SMAGP: variants seen among roughly 807,000 people sequenced by gnomAD.
The protein encoded by SMAGP is small cell transmembrane and glycosylated protein.
A neutral mutation model predicts 10.1 loss-of-function variants in SMAGP; 7 were observed. That is an observed-to-expected ratio of 0.70 (90% confidence interval 0.40 to 1.31). The LOEUF is 1.31. Among genes scored for constraint, SMAGP ranks in the 50% most tolerant of loss-of-function variants. SMAGP has a pLI of 0.01. For missense variants in SMAGP, 113 were observed against 116.5 expected (o/e 0.97, Z 0.14); for synonymous variants, 49 against 47.2 (o/e 1.04, Z -0.16).
rs5798164 is a variant in SMAGP at position 51,244,820 on chromosome 12, CTTT to C, written c.*1118_*1120del. 8.7e-5 allele frequency: 8 copies of C among 92,074 alleles called. No individual in the cohort carries two copies. The highest frequency in any genetic ancestry group is 4.5e-4 in the Admixed American group (3 of 6,662). 5.7% of individuals were successfully genotyped at this position (92,074 alleles called of 1,614,324 possible). On this transcript the variant is annotated 3_prime_UTR_variant, in exon 4 of 4. Transcript: ENST00000603798. The stretch of plus-strand genomic sequence containing the variant: ...TTGAACCAACTCATCTCCCAGGGTA[CTTT>C]TTTTTTTTTTTTTTTTTTTGAGACG...
At chr12:51,264,929 C>T (rs1944961674) in intron 2 of SMAGP, among the ~76,000 whole-genome samples, 1 of 134,788 alleles carries the variant, frequency 7.4e-6, no homozygotes, top group Non-Finnish European at 1.5e-5. Context: ...AAGACTCCAT[C>T]GCCAGAAAAA....
At chr12:51,263,318 G>C (rs1053917291) in intron 2 of SMAGP, among the ~76,000 whole-genome samples, 11 of 151,892 alleles carry the variant, frequency 7.2e-5, no homozygotes, top group Non-Finnish European at 1.5e-4. Flanking sequence ...GGGAGGCAGA[G>C]GTTGCAGTTA....
At chr12:51,268,726 G>A (rs952350631) in intron 2 of SMAGP, among the ~76,000 whole-genome samples, 9 of 152,182 alleles carry the variant, frequency 5.9e-5, no homozygotes, top group African/African-American at 2.2e-4. Context: ...TGGGATTACA[G>A]GCGTGCACCA....
intron 2 of SMAGP, among the ~76,000 whole-genome samples, chr12:51,261,599 A>G (rs1944932940): frequency 6.6e-6 from 1 of 152,184 alleles, no homozygotes; most frequent in South Asian, 2.1e-4. Flanking sequence ...ACTGGACAAA[A>G]GCTACGTAGC....
chr12:51,268,866 A>C (rs1945001018), intron 2 of SMAGP, among the ~76,000 whole-genome samples: 1 of 151,872 alleles, frequency 6.6e-6, no homozygotes, highest in Non-Finnish European at 1.5e-5. Context: ...CATTACAAGC[A>C]TGAGCCACCA....
At chr12:51,256,071 CCT>C (rs912818171) in intron 2 of SMAGP, among the ~76,000 whole-genome samples, 36 of 151,954 alleles carry the variant, frequency 2.4e-4, no homozygotes, top group African/African-American at 8.5e-4. Flanking sequence ...GTGCCCAACC[CCT>C]TTTTCTAATT....
At chr12:51,246,711 G>A in intron 3 of SMAGP, 40 bp downstream of exon 3, 1 of 1,466,130 alleles carries the variant, frequency 6.8e-7, no homozygotes, top group Admixed American at 2.6e-5. Flanking sequence ...AGATGCCCTT[G>A]ATCCAGAAGG....
intron 2 of SMAGP, among the ~76,000 whole-genome samples, chr12:51,260,491 C>G (rs1464265206): frequency 6.6e-6 from 1 of 151,816 alleles, no homozygotes; most frequent in Non-Finnish European, 1.5e-5. Context: ...ATTCTCCTGC[C>G]TCAGCCTCCT....
intron 2 of SMAGP, among the ~76,000 whole-genome samples, chr12:51,258,591 T>C (rs1385122187): frequency 1.4e-5 from 2 of 146,040 alleles, no homozygotes; most frequent in Admixed American, 1.4e-4. Flanking sequence ...AGACTCCATC[T>C]CAAAAAAAAA....
intron 2 of SMAGP, among the ~76,000 whole-genome samples, chr12:51,250,163 A>G (rs1401649507): frequency 6.9e-6 from 1 of 144,928 alleles, no homozygotes; most frequent in Non-Finnish European, 1.5e-5. Flanking sequence ...TGAGGCCAGG[A>G]GTTTGAGACC....
chr12:51,246,642 TATAAC>T lies in SMAGP; in HGVS notation c.115+104_115+108del. The T allele has an allele frequency of 7.0e-6, 3 of 428,360 alleles. No homozygotes were observed. The East Asian group carries it at 1.6e-4, about 22-fold the overall frequency. 26.5% of individuals were successfully genotyped at this position (428,360 alleles called of 1,614,324 possible). On this transcript the variant is annotated intron_variant, in intron 3 of 3. Coordinates refer to ENST00000603798, the MANE Select transcript of SMAGP (RefSeq NM_001031628.2). ...TGTGTGTGTGTGTGTGTGTGTGTAATATAACTTACAAGCCAGAGTGAGCCCATTAA... is the reference window on the plus strand; with the variant it reads ...TGTGTGTGTGTGTGTGTGTGTGTAATTTACAAGCCAGAGTGAGCCCATTAA...
Position 51,260,679 on chromosome 12 carries a change from ATTT to A in SMAGP, c.34+8563_34+8565del, listed in dbSNP as rs1162152346. Among the ~76,000 whole-genome samples the A allele has an allele frequency of 8.9e-3, 700 of 78,354 alleles. 7 individuals carry two copies. In the East Asian group the frequency reaches 0.12, roughly 13 times the overall value. 51.4% of individuals were successfully genotyped at this position (78,354 alleles called of 152,430 possible). A position where few individuals can be genotyped will look rare whatever the true frequency, so the allele number is the denominator to read the frequency against. ...AGGCGTGAGCCACCGCGCCCGGCCAATTTTTTTTTTTTTTTTTTTTTTTTGAGA... is the reference window on the plus strand; with the variant it reads ...AGGCGTGAGCCACCGCGCCCGGCCAATTTTTTTTTTTTTTTTTTTTTGAGA... On this transcript the variant is annotated intron_variant, in intron 2 of 3. Coordinates refer to ENST00000603798, the MANE Select transcript of SMAGP (RefSeq NM_001031628.2).
rs1424136103 is a variant in SMAGP at position 51,244,918 on chromosome 12, G to A, written c.*1023C>T. The A allele has an allele frequency of 6.9e-6, 1 of 145,698 alleles. No homozygotes were observed. The highest frequency in any genetic ancestry group is 1.5e-5 in the Non-Finnish European group (1 of 67,314). The allele number at this position is 145,698 out of a possible 1,614,324, so 9.0% of individuals were successfully genotyped here. A position where few individuals can be genotyped will look rare whatever the true frequency, so the allele number is the denominator to read the frequency against. On this transcript the variant is annotated 3_prime_UTR_variant, in exon 4 of 4. Coordinates refer to ENST00000603798, the MANE Select transcript of SMAGP (RefSeq NM_001031628.2). ...CAGCTCACTGCAAGCTCCGCCTCCT[G>A]GGTTCAAGCCATTCTCCTGCCTCAG...
chr12:51,255,684 T>C (rs1370809896), intron 2 of SMAGP, among the ~76,000 whole-genome samples: 4 of 152,208 alleles, frequency 2.6e-5, no homozygotes, highest in Admixed American at 6.5e-5. Context: ...GTGTGGACAA[T>C]AGGCTGTGGG....
chr12:51,267,065 G>A (rs989820455), intron 2 of SMAGP, among the ~76,000 whole-genome samples: 8 of 152,084 alleles, frequency 5.3e-5, no homozygotes, highest in Non-Finnish European at 2.9e-5. Context: ...GCAGTGAACC[G>A]AAATTAAGCC....
At chr12:51,260,046 T>C (rs995303002) in intron 2 of SMAGP, among the ~76,000 whole-genome samples, 1 of 152,100 alleles carries the variant, frequency 6.6e-6, no homozygotes, top group African/African-American at 2.4e-5. Flanking sequence ...ATTCCGAATT[T>C]CTCACAATGA....
At chr12:51,267,214 G>C (rs1247718480) in intron 2 of SMAGP, among the ~76,000 whole-genome samples, 1 of 151,932 alleles carries the variant, frequency 6.6e-6, no homozygotes, top group Non-Finnish European at 1.5e-5. Flanking sequence ...TTTTTCCCTT[G>C]TGGGCAGGAT....
At chr12:51,248,426 A>ACTCTCTCTCTCTCTCTCTCTCT (rs1944801847) in intron 2 of SMAGP, among the ~76,000 whole-genome samples, 1 of 112,240 alleles carries the variant, frequency 8.9e-6, no homozygotes, top group African/African-American at 3.8e-5. Context: ...ACACACACAC[A>ACTCTCTCTCTCTCTCTCTCTCT]CACACACACT....
intron 2 of SMAGP, among the ~76,000 whole-genome samples, chr12:51,264,800 C>T (rs893041848): frequency 1.3e-5 from 2 of 151,368 alleles, no homozygotes; most frequent in African/African-American, 2.4e-5. Context: ...GGTGTGGCAG[C>T]GTGTGCCTGT....
Sources: gnomAD v4.1 joint callset for allele counts (sites outside exome capture counted in the v4.1 genomes callset) on GRCh38, gnomAD v4.1.1 for gene constraint, MANE v1.5 for transcripts, NCBI Gene and HGNC (gene_info 2026-07-23, HGNC 2026-07-21) for gene names.